SEC11A: variants seen among roughly 807,000 people sequenced by gnomAD.
SEC11A encodes the protein signal peptidase complex catalytic subunit SEC11A.
SEC11A carries 14 observed loss-of-function variants against 25.6 expected under a neutral mutation model. That is an observed-to-expected ratio of 0.55 (90% CI 0.36 to 0.85). The LOEUF (loss-of-function observed/expected upper bound fraction) is 0.85, where lower values mean the gene tolerates loss of function less well. Ranked by LOEUF, SEC11A falls within the 40% of genes least tolerant of loss-of-function variation. The pLI is 0.01. For synonymous variants in SEC11A, 83 were observed against 76.4 expected (o/e 1.09, Z -0.45); for missense variants, 153 against 222.9 (o/e 0.69, Z 2.00).
intron 1 of SEC11A, among the ~76,000 whole-genome samples, chr15:84,692,995 G>A (rs1348872487): frequency 6.6e-6 from 1 of 152,048 alleles, no homozygotes; most frequent in Admixed American, 6.6e-5. Flanking sequence ...GGTAATTTTT[G>A]TATGTTTTGT....
chr15:84,695,714 G>A (rs566768652), intron 1 of SEC11A, among the ~76,000 whole-genome samples: 29 of 152,100 alleles, frequency 1.9e-4, no homozygotes, highest in Admixed American at 1.6e-3. Flanking sequence ...TGTTTTTCCT[G>A]CATACTTTTT....
At chr15:84,709,168 C>CAA (rs1400926997) in intron 1 of SEC11A, among the ~76,000 whole-genome samples, 2 of 151,958 alleles carry the variant, frequency 1.3e-5, no homozygotes, top group African/African-American at 4.8e-5. Context: ...TTTGGCATAA[C>CAA]ATACTTATTT....
At chr15:84,709,170 T>C (rs570840251) in intron 1 of SEC11A, among the ~76,000 whole-genome samples, 2 of 152,152 alleles carry the variant, frequency 1.3e-5, no homozygotes, top group African/African-American at 4.8e-5. Context: ...TGGCATAACA[T>C]ACTTATTTTA....
chr15:84,710,269 T>G (rs1170148045), intron 1 of SEC11A, among the ~76,000 whole-genome samples: 1 of 152,176 alleles, frequency 6.6e-6, no homozygotes, highest in Non-Finnish European at 1.5e-5. Flanking sequence ...CTTTAAAATA[T>G]TTTTTTAATT....
intron 2 of SEC11A, among the ~76,000 whole-genome samples, chr15:84,689,835 T>C (rs1483509529): frequency 1.3e-5 from 2 of 152,168 alleles, no homozygotes; most frequent in African/African-American, 2.4e-5. Flanking sequence ...CTCGAACTCC[T>C]AGCCTCAAGT....
chr15:84,698,803 G>T lies in SEC11A; in HGVS notation c.52-7159C>A, dbSNP rs148755666. 1.6e-4 allele frequency among the ~76,000 whole-genome samples: 25 copies of T among 152,164 alleles called. 1 individual carries two copies. Among genetic ancestry groups the T allele is most frequent in the African/African-American group, 6.0e-4 (25 of 41,514 alleles). ...GAATTCAGGCTCACTGGAACATTTT[G>T]GATTTTGGATATTTCAGATTTGGGA... On this transcript the variant is annotated intron_variant, in intron 1 of 5. Coordinates refer to ENST00000268220, the MANE Select transcript of SEC11A (RefSeq NM_014300.4).
At chr15:84,714,316 C>T (rs1219022052) in intron 1 of SEC11A, among the ~76,000 whole-genome samples, 2 of 152,158 alleles carry the variant, frequency 1.3e-5, no homozygotes, top group African/African-American at 4.8e-5. Context: ...ACCCAGTCTA[C>T]CTTCTGTCTT....
chr15:84,675,188 T>C (rs1188776749), intron 4 of SEC11A, among the ~76,000 whole-genome samples: 1 of 152,230 alleles, frequency 6.6e-6, no homozygotes, highest in Non-Finnish European at 1.5e-5. Context: ...GTAAAATGAA[T>C]GCCATCCACA....
intron 1 of SEC11A, among the ~76,000 whole-genome samples, chr15:84,694,874 G>A (rs1897715698): frequency 6.7e-6 from 1 of 150,168 alleles, no homozygotes; most frequent in Non-Finnish European, 1.5e-5. Context: ...GGCGGATCAC[G>A]AGGTCAGGAG....
At chr15:84,700,240 A>T (rs1410711039) in intron 1 of SEC11A, among the ~76,000 whole-genome samples, 1 of 148,684 alleles carries the variant, frequency 6.7e-6, no homozygotes, top group Non-Finnish European at 1.5e-5. Flanking sequence ...AATATGACCT[A>T]TAATGAGAAA....
chr15:84,706,512 G>C (rs1206161962), intron 1 of SEC11A, among the ~76,000 whole-genome samples: 1 of 152,100 alleles, frequency 6.6e-6, no homozygotes, highest in Non-Finnish European at 1.5e-5. Context: ...GACTTCTTAT[G>C]ACAACCCTTC....
At chr15:84,688,758 C>T (rs560630192) in intron 2 of SEC11A, among the ~76,000 whole-genome samples, 2 of 152,216 alleles carry the variant, frequency 1.3e-5, no homozygotes, top group Admixed American at 1.3e-4. Context: ...CAGCCAGGTG[C>T]GGTGGCTCAC....
intron 3 of SEC11A, among the ~76,000 whole-genome samples, chr15:84,682,495 C>T (rs928830655): frequency 6.6e-6 from 1 of 152,138 alleles, no homozygotes; most frequent in African/African-American, 2.4e-5. Context: ...GTCGCCCAGG[C>T]TGGAGTGCAA....
chr15:84,694,414 G>T (rs767458227), intron 1 of SEC11A, among the ~76,000 whole-genome samples: 25 of 151,654 alleles, frequency 1.6e-4, no homozygotes, highest in Non-Finnish European at 3.2e-4. Flanking sequence ...TGTAATACTA[G>T]GCAATTCTTA....
At chr15:84,689,658 A>G (rs1897543644) in intron 2 of SEC11A, among the ~76,000 whole-genome samples, 2 of 146,080 alleles carry the variant, frequency 1.4e-5, no homozygotes, top group South Asian at 4.3e-4. Context: ...CCCAGGCTGG[A>G]GTGCAATGGA....
chr15:84,699,502 T>C (rs2050809687), intron 1 of SEC11A, among the ~76,000 whole-genome samples: 1 of 152,070 alleles, frequency 6.6e-6, no homozygotes, highest in African/African-American at 2.4e-5. Flanking sequence ...CTGTGATTAC[T>C]TAGAAAGGGG....
intron 1 of SEC11A, chr15:84,692,190 C>A (rs1897632231): frequency 1.3e-5 from 2 of 151,880 alleles, no homozygotes; most frequent in Admixed American, 1.3e-4. Context: ...TCATCACGCC[C>A]AGCTAATTTT....
At chr15:84,674,641 C>G (rs960478054) in intron 4 of SEC11A, among the ~76,000 whole-genome samples, 2 of 152,268 alleles carry the variant, frequency 1.3e-5, no homozygotes, top group South Asian at 4.2e-4. Flanking sequence ...TCACTACAGC[C>G]TTGAACTCCT....
chr15:84,683,491 A>G (rs1327865947), intron 3 of SEC11A, among the ~76,000 whole-genome samples: 1 of 152,204 alleles, frequency 6.6e-6, no homozygotes, highest in Non-Finnish European at 1.5e-5. Flanking sequence ...TTTTTTGAAA[A>G]AGCATAGATA....
Sources: allele counts gnomAD v4.1 joint callset (sites outside exome capture counted in the v4.1 genomes callset), GRCh38; gene constraint gnomAD v4.1.1; transcripts MANE v1.5; gene names NCBI Gene and HGNC (gene_info 2026-07-23, HGNC 2026-07-21).